Variants in INSR observed in about 807,000 individuals in gnomAD.
INSR encodes the protein insulin receptor.
INSR carries 67 observed loss-of-function variants against 142.6 expected under a neutral mutation model. That is an observed-to-expected ratio of 0.47 (90% confidence interval 0.39 to 0.58). INSR has a LOEUF of 0.58. INSR is among the 20% of genes least tolerant of loss of function. The pLI is 0.00. For synonymous variants in INSR, 756 were observed against 743.1 expected, an observed-to-expected ratio of 1.02 and a Z score of -0.28; for missense variants, 1,248 against 1,833.2, an observed-to-expected ratio of 0.68 and a Z score of 5.83.
chr19:7,244,446 T>C (rs1382178168), intron 2 of INSR, among the ~76,000 whole-genome samples: 2 of 151,750 alleles, frequency 1.3e-5, no homozygotes, highest in African/African-American at 4.9e-5. Context: ...GGCACAAGAA[T>C]TGTTTGAACT....
rs781398592 is a variant in INSR at position 7,225,114 on chromosome 19, A to G, written c.653-40477T>C. Reference sequence around the variant, plus strand: ...TAGAGTTTCCTATGCACCCAGCACTATTCCAATTATTAACCATTTATTTCC... The same window carrying G: ...TAGAGTTTCCTATGCACCCAGCACTGTTCCAATTATTAACCATTTATTTCC... On this transcript the variant is annotated intron_variant, in intron 2 of 21. Transcript: ENST00000302850. The surrounding 1 kb of genome is among the most constrained non-coding windows in gnomAD (Gnocchi z 4.7). Among the ~76,000 whole-genome samples, 9 of 152,088 alleles carry G rather than the reference A, an allele frequency of 5.9e-5. No homozygotes were observed. The highest frequency in any genetic ancestry group is 9.7e-5 in the African/African-American group (4 of 41,394).
At chr19:7,134,055 T>C (rs1409512421) in intron 13 of INSR, among the ~76,000 whole-genome samples, 1 of 151,962 alleles carries the variant, frequency 6.6e-6, no homozygotes, top group Non-Finnish European at 1.5e-5. Flanking sequence ...CAGAACTGTC[T>C]GGCTCTACAG....
rs370531735 is a variant in INSR, at chr19:7,162,888, T to C, written c.2029+144A>G. ...ATAAAAACATGTATGTGTGTTTTCA[T>C]ATGAGATAGAATGGAGTGTGTGTGT... is the stretch of plus-strand genomic sequence containing the variant. On this transcript the variant is annotated intron_variant, in intron 9 of 21. Transcript: ENST00000302850. 3.5e-5 allele frequency: 25 copies of C among 720,542 alleles called. No individual in the cohort carries two copies. In the South Asian group the frequency reaches 3.6e-4, roughly 10 times the overall value. The allele number at this position is 720,542 out of a possible 1,614,324, so 44.6% of individuals were successfully genotyped here.
intron 13 of INSR, among the ~76,000 whole-genome samples, chr19:7,132,593 C>CTT (rs759007156): frequency 6.9e-6 from 1 of 144,492 alleles, no homozygotes; most frequent in Admixed American, 7.0e-5. Flanking sequence ...TTTTCTTTTC[C>CTT]TTTTTTTTTT....
chr19:7,151,162 C>CTTTCTCTCTTTCCTTTTCTT (rs1359040007), intron 10 of INSR, among the ~76,000 whole-genome samples: 6 of 45,850 alleles, frequency 1.3e-4, no homozygotes, highest in Admixed American at 2.8e-4. Flanking sequence ...TTCTTTCTTT[C>CTTTCTCTCTTTCCTTTTCTT]TCTTTCTTTC....
At chr19:7,223,663 C>CA (rs1975689717) in intron 2 of INSR, among the ~76,000 whole-genome samples, 1 of 152,192 alleles carries the variant, frequency 6.6e-6, no homozygotes, top group Admixed American at 6.5e-5. Flanking sequence ...AAACCCAGTA[C>CA]AAAAGTTCCC....
At position 7,184,624 on chromosome 19, in the gene INSR, G is replaced by A. The variant is rs935777444; in HGVS notation, c.666C>T (p.Ile222=). 9 of 1,607,886 alleles carry A rather than the reference G, an allele frequency of 5.6e-6. No individual in the cohort carries two copies. The East Asian group carries it at 2.0e-4, about 36-fold the overall frequency. The part of the protein sequence containing the change: ...HSHCQKVCPT[I]CKSHGCTAEG... ...CGGCGGTGCAGCCGTGTGACTTACA[G>A]ATGGTCGGGCAAACTGGAGAGAGAG... is the stretch of plus-strand genomic sequence containing the variant. The change falls in exon 3 of 22, where the codon ATC becomes ATT. Residue 222 remains isoleucine (I), a synonymous_variant. Transcript: ENST00000302850.
chr19:7,167,931 C>G, intron 7 of INSR, 37 bp downstream of exon 7: 2 of 1,613,068 alleles, frequency 1.2e-6, no homozygotes, highest in Non-Finnish European at 1.7e-6. Context: ...CCAGCCAGCC[C>G]TCGCCTCCTC....
In INSR at chr19:7,152,776, C is replaced by G. The variant is rs774251731; in HGVS notation, c.2181G>C (p.Ser727=). The G allele has an allele frequency of 6.2e-7, 1 of 1,613,222 alleles. No homozygotes were observed. The highest frequency in any genetic ancestry group is 1.3e-5 in the African/African-American group (1 of 74,848). Residue 727 remains serine (S), a synonymous_variant, in exon 10 of 22, where the codon TCG becomes TCC. Transcript: ENST00000302850. The part of the protein sequence containing the change: ...SQILKELEES[S]FRKTFEDYLH... ...GGTAATCCTCAAACGTCTTCCTAAA[C>G]GAGGACTCCTCCAGCTCCTTCAGGA...
At chr19:7,230,426 C>T (rs2145124454) in intron 2 of INSR, among the ~76,000 whole-genome samples, 1 of 152,292 alleles carries the variant, frequency 6.6e-6, no homozygotes, top group South Asian at 2.1e-4. Flanking sequence ...GGAATCCTAA[C>T]AGTGTCCACC....
intron 3 of INSR, among the ~76,000 whole-genome samples, chr19:7,176,426 C>T (rs1378295417): frequency 6.6e-6 from 1 of 152,156 alleles, no homozygotes; most frequent in Non-Finnish European, 1.5e-5. Flanking sequence ...CATGGTGAAA[C>T]CCCGTCTCTA....
chr19:7,264,814 C>T (rs900933496), intron 2 of INSR, among the ~76,000 whole-genome samples: 7 of 152,162 alleles, frequency 4.6e-5, no homozygotes, highest in African/African-American at 1.7e-4. Context: ...AATAACGGTC[C>T]CCTCTCCCAC....
intron 2 of INSR, among the ~76,000 whole-genome samples, chr19:7,193,382 C>T (rs370269586): frequency 3.3e-5 from 5 of 151,886 alleles, no homozygotes; most frequent in African/African-American, 1.2e-4. Flanking sequence ...CATGGTGTCG[C>T]GCACCTGTAG....
chr19:7,266,669 G>A lies in INSR; in HGVS notation c.652+676C>T, dbSNP rs182032514. On this transcript the variant is annotated intron_variant, in intron 2 of 21. Transcript: ENST00000302850. The stretch of plus-strand genomic sequence containing the variant: ...CCAAGTGCTGGGATTACAGGCCTGA[G>A]CCACCGTGCCCGGCCTGGAAATCAT... Among the ~76,000 whole-genome samples, 270 of 152,290 alleles carry A rather than the reference G, an allele frequency of 1.8e-3. 1 individual carries two copies. Among genetic ancestry groups the A allele is most frequent in the African/African-American group, 6.0e-3 (250 of 41,566 alleles).
At chr19:7,243,484 G>A (rs991532377) in intron 2 of INSR, among the ~76,000 whole-genome samples, 1 of 151,980 alleles carries the variant, frequency 6.6e-6, no homozygotes, top group Non-Finnish European at 1.5e-5. Flanking sequence ...GACCTCCAGT[G>A]ATCTACCTGC....
At chr19:7,195,923 TTTTC>T (rs200745041) in intron 2 of INSR, among the ~76,000 whole-genome samples, 44,147 of 116,590 alleles carry the variant, frequency 0.38, 4,766 homozygotes, top group African/African-American at 0.47. Flanking sequence ...ACTTTCTTTC[TTTTC>T]TTTCTTTTTT....
At chr19:7,190,199 A>G (rs1233587958) in intron 2 of INSR, among the ~76,000 whole-genome samples, 1 of 151,892 alleles carries the variant, frequency 6.6e-6, no homozygotes, top group Non-Finnish European at 1.5e-5. Flanking sequence ...GAAAAAAAAA[A>G]GAAAAAAATC....
chr19:7,279,882 T>C (rs1968158675), intron 1 of INSR, among the ~76,000 whole-genome samples: 1 of 147,388 alleles, frequency 6.8e-6, no homozygotes, highest in South Asian at 2.2e-4. Context: ...GGTTGAGGAT[T>C]GCTCGAGCCT....
At chr19:7,228,701 A>C (rs1975859767) in intron 2 of INSR, among the ~76,000 whole-genome samples, 1 of 152,254 alleles carries the variant, frequency 6.6e-6, no homozygotes, top group African/African-American at 2.4e-5. Flanking sequence ...GCATTTAATA[A>C]GGTAGCAGTA....
Sources: allele counts gnomAD v4.1 joint callset (sites outside exome capture counted in the v4.1 genomes callset), GRCh38; gene constraint gnomAD v4.1.1; non-coding constraint Gnocchi (gnomAD v3.1); transcripts MANE v1.5; gene names NCBI Gene and HGNC (gene_info 2026-07-23, HGNC 2026-07-21).